RABL6: variants seen among roughly 807,000 people sequenced by gnomAD.
The protein encoded by RABL6 is RAB, member RAS oncogene family like 6.
Under a neutral mutation model 72.9 loss-of-function variants are expected in RABL6, and 28 were observed. That is an observed-to-expected ratio of 0.38 (90% CI 0.28 to 0.53). RABL6 has a LOEUF of 0.53. RABL6 is among the 20% of genes least tolerant of loss of function. The probability of loss-of-function intolerance (pLI) is 0.80; values close to 1 mark genes in which losing one functional copy is unlikely to be tolerated. For synonymous variants in RABL6, 477 were observed against 421.2 expected (o/e 1.13, Z -1.62); for missense variants, 1,029 against 1,008.4 (o/e 1.02, Z -0.28).
In RABL6 at chr9:136,808,059, C is replaced by T. The variant is rs1847904320; in HGVS notation, c.-138C>T. 9.0e-7 allele frequency: 1 copy of T among 1,112,466 alleles called. No individual in the cohort carries two copies. The highest frequency in any genetic ancestry group is 1.1e-6 in the Non-Finnish European group (1 of 906,476). 68.9% of individuals were successfully genotyped at this position (1,112,466 alleles called of 1,614,324 possible). A position where few individuals can be genotyped will look rare whatever the true frequency, so the allele number is the denominator to read the frequency against. On this transcript the variant is annotated 5_prime_UTR_variant, in exon 1 of 15. Coordinates refer to ENST00000311502, the MANE Select transcript of RABL6 (RefSeq NM_024718.5). The stretch of plus-strand genomic sequence containing the variant: ...GCCGCTCGGGGCTGCGCTCCGCCGC[C>T]GGGACCCCGGCCTCTGGCCGCGCCG...
chr9:136,830,014 C>T (rs778614235), intron 5 of RABL6, among the ~76,000 whole-genome samples: 7 of 152,222 alleles, frequency 4.6e-5, no homozygotes, highest in African/African-American at 7.2e-5. Context: ...CAGGACGCAC[C>T]GGAGCCCCAG....
intron 4 of RABL6, 82 bp downstream of exon 4, chr9:136,828,628 T>C: frequency 1.4e-6 from 2 of 1,465,312 alleles, no homozygotes; most frequent in Non-Finnish European, 1.9e-6. Context: ...CACACGCTTT[T>C]GACCCCAACC....
In RABL6 at chr9:136,840,491, A is replaced by T; in HGVS notation, c.2159A>T (p.His720Leu). The change falls in exon 15 of 15, where the codon CAC (histidine) becomes CTC (leucine). Residue 720 changes from histidine to leucine, a missense_variant. This residue lies in a region of RABL6 where 595 missense variants were observed against 472.4 expected (regional missense o/e 1.26). Coordinates refer to ENST00000311502, the MANE Select transcript of RABL6 (RefSeq NM_024718.5). Reference sequence around the variant, plus strand: ...GGGGGCGGGGCCCCGGGCGGCCGCCACCCTGGGGGTGGCGACTACGAGGAG... The same window carrying T: ...GGGGGCGGGGCCCCGGGCGGCCGCCTCCCTGGGGGTGGCGACTACGAGGAG... ...FLGGGAPGGRHPGGGDYEEL is the reference protein window; with the variant it reads ...FLGGGAPGGRLPGGGDYEEL 7.5e-7 allele frequency: 1 copy of T among 1,331,592 alleles called. No individual in the cohort carries two copies. Among genetic ancestry groups the T allele is most frequent in the Non-Finnish European group, 9.9e-7 (1 of 1,006,298 alleles). The allele number at this position is 1,331,592 out of a possible 1,614,324, so 82.5% of individuals were successfully genotyped here.
intron 1 of RABL6, among the ~76,000 whole-genome samples, chr9:136,822,756 G>C (rs1025862501): frequency 2.6e-5 from 4 of 152,206 alleles, no homozygotes; most frequent in African/African-American, 9.6e-5. Flanking sequence ...CGCGTTGTGC[G>C]TGAGCTGGGA....
At chr9:136,828,404 G>C in intron 3 of RABL6, 90 bp from the exon 4 acceptor site, 6 of 1,342,088 alleles carry the variant, frequency 4.5e-6, no homozygotes, top group African/African-American at 1.4e-5. Context: ...GCTGGAGCTG[G>C]GGGCTGAGTG....
intron 2 of RABL6, among the ~76,000 whole-genome samples, chr9:136,825,503 G>C (rs995844427): frequency 7.4e-5 from 11 of 148,982 alleles, no homozygotes; most frequent in Non-Finnish European, 1.6e-4. Context: ...GCCGTGCCCA[G>C]GATCGGGGCC....
intron 7 of RABL6, chr9:136,834,397 T>G (rs1444929336): frequency 1.0e-6 from 1 of 987,776 alleles, no homozygotes; most frequent in African/African-American, 1.7e-5. Flanking sequence ...GTTCACACAT[T>G]ACATTTGGTT....
At chr9:136,813,874 C>T (rs1287646937) in intron 1 of RABL6, 6 of 247,102 alleles carry the variant, frequency 2.4e-5, no homozygotes, top group Non-Finnish European at 4.8e-5. Context: ...CTTGGCCTCC[C>T]AAAGTGCTGG....
intron 7 of RABL6, chr9:136,834,263 A>G (rs1420300830): frequency 9.1e-7 from 1 of 1,094,788 alleles, no homozygotes; most frequent in Non-Finnish European, 1.1e-6. Flanking sequence ...GTAATACCGC[A>G]TGTTAAACTC....
Position 136,822,023 on chromosome 9 carries a change from A to G in RABL6, c.131-1502A>G, listed in dbSNP as rs754471578. 1.9e-5 allele frequency: 24 copies of G among 1,289,712 alleles called. 1 individual carries two copies. The highest frequency in any genetic ancestry group is 1.1e-4 in the South Asian group (9 of 81,006). 79.9% of individuals were successfully genotyped at this position (1,289,712 alleles called of 1,614,324 possible). On this transcript the variant is annotated intron_variant, in intron 1 of 14. Transcript: ENST00000311502. ...CCTAGGATGGGCGAGGAAATGAACA[A>G]GCTTCAGGGGAGAAGAAATGACTGT...
chr9:136,832,190 C>T (rs1254914497), intron 6 of RABL6, 75 bp from the exon 7 acceptor site: 3 of 1,383,210 alleles, frequency 2.2e-6, no homozygotes, highest in African/African-American at 1.4e-5. Context: ...GGACCCACAG[C>T]TGTGGGCCCA....
At position 136,825,822 on chromosome 9, in the gene RABL6, C is replaced by T. The variant is rs1013999327; in HGVS notation, c.309C>T (p.Asp103=). The T allele has an allele frequency of 6.2e-7, 1 of 1,612,280 alleles. No individual in the cohort carries two copies. The highest frequency in any genetic ancestry group is 1.3e-5 in the African/African-American group (1 of 74,986). ...IVKVEVWDVV[D]KGKCKKRGDG... ...AGGTTGAAGTCTGGGATGTAGTAGA[C>T]AAAGGTGAGGCGTCTCTGTTCTGTG... Residue 103 remains aspartate (D), a synonymous_variant, in exon 3 of 15, where the codon GAC becomes GAT. Transcript: ENST00000311502.
intron 2 of RABL6, 115 bp downstream of exon 2, chr9:136,823,774 AG>A: frequency 7.4e-7 from 1 of 1,343,434 alleles, no homozygotes; most frequent in Middle Eastern, 2.7e-4. Context: ...CTTGTCTGTG[AG>A]GGACCCTGCT....
chr9:136,836,966 C>T (rs574700155), intron 8 of RABL6: 30 of 351,672 alleles, frequency 8.5e-5, no homozygotes, highest in South Asian at 7.1e-5. Flanking sequence ...CTCCGCCTCC[C>T]GGGTTCACGC....
chr9:136,839,619 G>A (rs573874927), intron 12 of RABL6, 75 bp from the exon 13 acceptor site: 4 of 1,544,260 alleles, frequency 2.6e-6, no homozygotes, highest in African/African-American at 2.7e-5. Flanking sequence ...GGCCTTGCCG[G>A]CCTGGTTTGA....
intron 1 of RABL6, chr9:136,821,389 G>T (rs950328580): frequency 4.1e-6 from 4 of 985,366 alleles, no homozygotes; most frequent in Non-Finnish European, 3.6e-6. Context: ...GAAGCACAGC[G>T]CGTGGGCCGC....
At position 136,839,875 on chromosome 9, in the gene RABL6, G is replaced by A. The variant is rs771680881; in HGVS notation, c.1930+10G>A. 20 of 1,609,938 alleles carry A rather than the reference G, an allele frequency of 1.2e-5. No individual in the cohort carries two copies. In the South Asian group the frequency reaches 1.8e-4, roughly 14 times the overall value. On this transcript the variant is annotated intron_variant, in intron 13 of 14. Coordinates refer to ENST00000311502, the MANE Select transcript of RABL6 (RefSeq NM_024718.5). ...GAGAGCAGTGAGGAAGGTGGGTGGG[G>A]GCACCAGAGTGCGGTCAGCCTGCTG...
intron 5 of RABL6, among the ~76,000 whole-genome samples, 182 bp downstream of exon 5, chr9:136,829,666 C>T (rs545002882): frequency 5.3e-5 from 8 of 152,238 alleles, no homozygotes; most frequent in Non-Finnish European, 7.3e-5. Context: ...GGCTGGGCAA[C>T]GACTATGCCT....
intron 11 of RABL6, 43 bp downstream of exon 11, chr9:136,839,164 T>C: frequency 6.2e-7 from 1 of 1,605,502 alleles, no homozygotes; most frequent in Non-Finnish European, 8.5e-7. Flanking sequence ...GAGACCCGGG[T>C]GGGGCAGTTC....
Sources: gnomAD v4.1 joint callset for allele counts (sites outside exome capture counted in the v4.1 genomes callset) on GRCh38, gnomAD v4.1.1 for gene constraint, gnomAD v4.1.1 regional missense constraint, MANE v1.5 for transcripts, NCBI Gene and HGNC (gene_info 2026-07-23, HGNC 2026-07-21) for gene names.